TMEM132E: variants seen among roughly 807,000 people sequenced by gnomAD.
TMEM132E encodes the protein transmembrane protein 132E.
In TMEM132E, 49 loss-of-function variants were observed where a neutral mutation model predicts 78.5. The ratio of observed to expected loss-of-function variants is 0.62; its 90% CI spans 0.50 to 0.79. The LOEUF is 0.79. TMEM132E is among the 30% of genes least tolerant of loss of function. The probability of loss-of-function intolerance (pLI) is 0.00; values close to 1 mark genes in which losing one functional copy is unlikely to be tolerated. For synonymous variants in TMEM132E, 715 were observed against 670.6 expected (o/e 1.07, Z -1.02); for missense variants, 1,403 against 1,470.9 (o/e 0.95, Z 0.75).
chr17:34,635,402 C>T (rs1907488914), intron 7 of TMEM132E, among the ~76,000 whole-genome samples: 1 of 152,176 alleles, frequency 6.6e-6, no homozygotes, highest in Admixed American at 6.5e-5. Flanking sequence ...AGGAACTCAA[C>T]TTTGACCTTT....
chr17:34,586,483 A>C (rs745522105), intron 1 of TMEM132E, among the ~76,000 whole-genome samples: 11 of 152,088 alleles, frequency 7.2e-5, no homozygotes, highest in South Asian at 2.1e-4. Context: ...TCTGGGGGAC[A>C]AATGCACTGC....
intron 1 of TMEM132E, among the ~76,000 whole-genome samples, chr17:34,589,796 G>A (rs1417396411): frequency 2.0e-5 from 3 of 152,152 alleles, no homozygotes; most frequent in African/African-American, 4.8e-5. Flanking sequence ...TAGCCAAGGA[G>A]GTGACCTGCC....
chr17:34,630,192 AGGC>A (rs1455680056), intron 5 of TMEM132E, 41 bp downstream of exon 5: 1 of 1,592,984 alleles, frequency 6.3e-7, no homozygotes, highest in South Asian at 1.1e-5. Context: ...AAGAAGCCCT[AGGC>A]CTTCAGGAGA....
intron 1 of TMEM132E, among the ~76,000 whole-genome samples, chr17:34,620,022 G>A (rs901534346): frequency 6.6e-6 from 1 of 152,240 alleles, no homozygotes; most frequent in Non-Finnish European, 1.5e-5. Flanking sequence ...CAAGAGATTA[G>A]TTTTAATTTG....
rs77967825 is a variant in TMEM132E, at chr17:34,609,314, G to A, written c.68-16813G>A. On this transcript the variant is annotated intron_variant, in intron 1 of 8. Transcript: ENST00000631683. ...ATGTGAGAAAAAGGATGAGATGGACGGAAGTGAAGTGAGATGGGGAGAGGT... is the reference window on the plus strand; with the variant it reads ...ATGTGAGAAAAAGGATGAGATGGACAGAAGTGAAGTGAGATGGGGAGAGGT... Among the ~76,000 whole-genome samples the A allele has an allele frequency of 4.5e-3, 686 of 152,230 alleles. 9 individuals are homozygous for A. Among genetic ancestry groups the A allele is most frequent in the African/African-American group, 0.016 (655 of 41,528 alleles).
intron 4 of TMEM132E, among the ~76,000 whole-genome samples, chr17:34,629,556 G>A (rs1027474542): frequency 6.6e-6 from 1 of 152,090 alleles, no homozygotes. Flanking sequence ...GCATTACTTG[G>A]GCAAAGGTAC....
intron 1 of TMEM132E, among the ~76,000 whole-genome samples, chr17:34,617,047 G>C (rs1412341570): frequency 6.6e-6 from 1 of 152,218 alleles, no homozygotes; most frequent in Non-Finnish European, 1.5e-5. Flanking sequence ...CTGGTGCTTA[G>C]GGAAGGCAGT....
chr17:34,617,179 G>T (rs1294982682), intron 1 of TMEM132E, among the ~76,000 whole-genome samples: 2 of 152,236 alleles, frequency 1.3e-5, no homozygotes, highest in Admixed American at 1.3e-4. Flanking sequence ...GGCATGCAGA[G>T]CAGGGACTAT....
intron 6 of TMEM132E, among the ~76,000 whole-genome samples, chr17:34,633,114 C>T (rs1351758243): frequency 6.6e-6 from 1 of 152,230 alleles, no homozygotes; most frequent in Non-Finnish European, 1.5e-5. Flanking sequence ...TGGCCAGTGC[C>T]TGACCCTGCC....
rs1219454373 is a variant in TMEM132E, at chr17:34,626,703, C to T, written c.644C>T (p.Ser215Phe). 2.9e-6 allele frequency: 4 copies of T among 1,386,592 alleles called. No individual in the cohort carries two copies. Among genetic ancestry groups the T allele is most frequent in the Admixed American group, 5.8e-5 (2 of 34,228 alleles). 85.9% of individuals were successfully genotyped at this position (1,386,592 alleles called of 1,614,324 possible). Residue 215 changes from serine (S) to phenylalanine (F), a missense_variant, in exon 2 of 9, where the codon TCC becomes TTC. Physicochemically the swap from Ser to Phe is radical, Grantham distance 155 (BLOSUM62 -2). Around this residue, in one of 3 missense-constraint regions of TMEM132E, gnomAD observed 511 missense variants for 499.0 expected, o/e 1.02. Coordinates refer to ENST00000631683, the MANE Select transcript of TMEM132E (RefSeq NM_001304438.2). ...PAAPPTARRK[S>F]PDGLEPEATG... Reference sequence around the variant, plus strand: ...GCGCCACCCACGGCCCGCCGCAAGTCCCCGGACGGGCTGGAGCCCGAGGCG... The same window carrying T: ...GCGCCACCCACGGCCCGCCGCAAGTTCCCGGACGGGCTGGAGCCCGAGGCG...
At chr17:34,585,545 G>A (rs1312732899) in intron 1 of TMEM132E, among the ~76,000 whole-genome samples, 2 of 152,142 alleles carry the variant, frequency 1.3e-5, no homozygotes, top group African/African-American at 4.8e-5. Context: ...TGAGGAAATG[G>A]ACACACAGGG....
At chr17:34,612,719 C>A (rs1906631715) in intron 1 of TMEM132E, among the ~76,000 whole-genome samples, 2 of 151,910 alleles carry the variant, frequency 1.3e-5, no homozygotes, top group African/African-American at 2.4e-5. Flanking sequence ...CTCAGGGGAT[C>A]TCTACACCTG....
rs1905407705 is a variant in TMEM132E at position 34,580,033 on chromosome 17, C to G, written c.-1044C>G. ...AGTTCAAGGTTTGTGCAGGTTCCCC[C>G]AGGGAAGGCGAGGAGCGAGGCGGGG... is the stretch of plus-strand genomic sequence containing the variant. On this transcript the variant is annotated 5_prime_UTR_variant, in exon 1 of 9. Coordinates refer to ENST00000631683, the MANE Select transcript of TMEM132E (RefSeq NM_001304438.2). The G allele has an allele frequency of 6.6e-6, 1 of 152,382 alleles. No homozygotes were observed. The highest frequency in any genetic ancestry group is 1.5e-5 in the Non-Finnish European group (1 of 68,168). 9.4% of individuals were successfully genotyped at this position (152,382 alleles called of 1,614,324 possible). A position where few individuals can be genotyped will look rare whatever the true frequency, so the allele number is the denominator to read the frequency against.
At chr17:34,583,418 G>A (rs1405885674) in intron 1 of TMEM132E, among the ~76,000 whole-genome samples, 1 of 152,174 alleles carries the variant, frequency 6.6e-6, no homozygotes, top group Non-Finnish European at 1.5e-5. Context: ...CCCCCAGATG[G>A]GTAAGGCCAG....
Position 34,581,094 on chromosome 17 carries a change from G to T in TMEM132E, c.18G>T (p.Ser6=), listed in dbSNP as rs777613913. 1 of 1,547,824 alleles carries T rather than the reference G, an allele frequency of 6.5e-7. No individual in the cohort carries two copies. The highest frequency in any genetic ancestry group is 8.7e-7 in the Non-Finnish European group (1 of 1,153,632). ...CCTCGGCCATGGCCCCGGGGATGTC[G>T]GGCCGCGGCGGCGCCGCCCTGCTCT... The part of the protein sequence containing the change: MAPGM[S]GRGGAALLCL... Residue 6 remains serine, a synonymous_variant, in exon 1 of 9, where the codon TCG becomes TCT. Transcript: ENST00000631683.
At position 34,633,123 on chromosome 17, in the gene TMEM132E, C is replaced by A. The variant is rs574909164; in HGVS notation, c.1688+214C>A. Among the ~76,000 whole-genome samples, 75 of 152,332 alleles carry A rather than the reference C, an allele frequency of 4.9e-4. 1 individual carries two copies. In the South Asian group the frequency reaches 0.016, roughly 32 times the overall value. ...TGAATGTGGCCAGTGCCTGACCCTGCCAGTCTCTCAGTCCAGCAGGGGAGG... is the reference window on the plus strand; with the variant it reads ...TGAATGTGGCCAGTGCCTGACCCTGACAGTCTCTCAGTCCAGCAGGGGAGG... On this transcript the variant is annotated intron_variant, in intron 6 of 8. Coordinates refer to ENST00000631683, the MANE Select transcript of TMEM132E (RefSeq NM_001304438.2).
chr17:34,601,400 C>T (rs1229268244), intron 1 of TMEM132E, among the ~76,000 whole-genome samples: 2 of 152,222 alleles, frequency 1.3e-5, no homozygotes, highest in Non-Finnish European at 2.9e-5. Flanking sequence ...CTGCCCTGTC[C>T]CAGGCTGGGC....
rs1252026086 is a variant in TMEM132E, at chr17:34,581,240, A to C, written c.67+97A>C. On this transcript the variant is annotated intron_variant, in intron 1 of 8. Transcript: ENST00000631683. ...GGAGAGGAGCACCCACACCCCCTGG[A>C]CTCGCAGCCGCCACTCCGGGTTTGG... 11 of 1,122,522 alleles carry C rather than the reference A, an allele frequency of 9.8e-6. No homozygotes were observed. The South Asian group carries it at 2.2e-4, about 23-fold the overall frequency. 69.5% of individuals were successfully genotyped at this position (1,122,522 alleles called of 1,614,324 possible).
Position 34,626,725 on chromosome 17 carries a change from G to T in TMEM132E, c.666G>T (p.Glu222Asp), listed in dbSNP as rs1013108240. 1 of 1,377,250 alleles carries T rather than the reference G, an allele frequency of 7.3e-7. No homozygotes were observed. Among genetic ancestry groups the T allele is most frequent in the Non-Finnish European group, 9.5e-7 (1 of 1,048,496 alleles). The allele number at this position is 1,377,250 out of a possible 1,614,324, so 85.3% of individuals were successfully genotyped here. A position where few individuals can be genotyped will look rare whatever the true frequency, so the allele number is the denominator to read the frequency against. The change falls in exon 2 of 9, where the codon GAG (glutamate) becomes GAT (aspartate). Residue 222 changes from glutamate to aspartate, a missense_variant. Coordinates refer to ENST00000631683, the MANE Select transcript of TMEM132E (RefSeq NM_001304438.2). ...AGTCCCCGGACGGGCTGGAGCCCGA[G>T]GCGACGGGGGAGAGCCAGCAGGCCG... ...RRKSPDGLEP[E>D]ATGESQQAEL...
Sources: gnomAD v4.1 joint callset for allele counts (sites outside exome capture counted in the v4.1 genomes callset) on GRCh38, gnomAD v4.1.1 for gene constraint, gnomAD v4.1.1 regional missense constraint, MANE v1.5 for transcripts, NCBI Gene and HGNC (gene_info 2026-07-23, HGNC 2026-07-21) for gene names.